The following NMNAT2 variants were observed in gnomAD, a reference collection of about 807,000 sequenced individuals.
The protein encoded by NMNAT2 is nicotinamide/nicotinic acid mononucleotide adenylyltransferase 2.
Under a neutral mutation model 41.6 loss-of-function variants are expected in NMNAT2, and 11 were observed. The observed-to-expected ratio is 0.26, with a 90% CI of 0.17 to 0.44. The LOEUF (loss-of-function observed/expected upper bound fraction) is 0.44, where lower values mean the gene tolerates loss of function less well. Among genes scored for constraint, NMNAT2 ranks in the 20% least tolerant of loss-of-function variants. The probability of loss-of-function intolerance (pLI) is 1.00; values close to 1 mark genes in which losing one functional copy is unlikely to be tolerated. For synonymous variants in NMNAT2, 148 were observed against 151.2 expected, an observed-to-expected ratio of 0.98 and a Z score of 0.16; for missense variants, 288 against 407.7, an observed-to-expected ratio of 0.71 and a Z score of 2.53.
intron 1 of NMNAT2, among the ~76,000 whole-genome samples, chr1:183,334,081 T>C (rs1187376608): frequency 2.0e-5 from 3 of 152,256 alleles, no homozygotes; most frequent in Non-Finnish European, 4.4e-5. Context: ...CTCATTTTTT[T>C]TGAGACGGTG....
chr1:183,360,510 A>AGAG (rs1663285418), intron 1 of NMNAT2, among the ~76,000 whole-genome samples: 1 of 152,170 alleles, frequency 6.6e-6, no homozygotes, highest in African/African-American at 2.4e-5. Flanking sequence ...CGAGTCTCCG[A>AGAG]GAGGAAGACC....
At position 183,305,105 on chromosome 1, in the gene NMNAT2, C is replaced by CTTT. The variant is rs5779162; in HGVS notation, c.86-11315_86-11313dup. Among the ~76,000 whole-genome samples, 45 of 140,292 alleles carry CTTT rather than the reference C, an allele frequency of 3.2e-4. 1 individual carries two copies. In the East Asian group the frequency reaches 8.4e-3, roughly 26 times the overall value. The allele number at this position is 140,292 out of a possible 152,430, so 92.0% of individuals were successfully genotyped here. A position where few individuals can be genotyped will look rare whatever the true frequency, so the allele number is the denominator to read the frequency against. On this transcript the variant is annotated intron_variant, in intron 1 of 10. Transcript: ENST00000287713. ...GGAATTCGCCCATTGTTGAAAAAGC[C>CTTT]TTTTTTTTTTTTTTGGTATTTATTT...
At chr1:183,352,577 AAAAAAAAAAG>A (rs934656207) in intron 1 of NMNAT2, among the ~76,000 whole-genome samples, 1 of 151,892 alleles carries the variant, frequency 6.6e-6, no homozygotes, top group African/African-American at 2.4e-5. Context: ...AAAAAAAAAA[AAAAAAAAAAG>A]AGATTTGTGA....
intron 8 of NMNAT2, among the ~76,000 whole-genome samples, chr1:183,272,876 C>A (rs1661021476): frequency 6.6e-6 from 1 of 152,318 alleles, no homozygotes; most frequent in South Asian, 2.1e-4. Flanking sequence ...GAGTGCGGGG[C>A]CGGGGCCTAG....
At chr1:183,348,911 C>G (rs1181186092) in intron 1 of NMNAT2, among the ~76,000 whole-genome samples, 2 of 152,174 alleles carry the variant, frequency 1.3e-5, no homozygotes, top group African/African-American at 2.4e-5. Flanking sequence ...AGTGTCTCCT[C>G]ACATTGCTTA....
chr1:183,362,389 A>T lies in NMNAT2; in HGVS notation c.85+55794T>A, dbSNP rs138205272. Among the ~76,000 whole-genome samples, 38 of 152,308 alleles carry T rather than the reference A, an allele frequency of 2.5e-4. No homozygotes were observed. The East Asian group carries it at 6.7e-3, about 27-fold the overall frequency. ...AACATTTTCATCACCCAAAAAAAGA[A>T]ACCCAATATCCCTTAGTAGTGATTT... On this transcript the variant is annotated intron_variant, in intron 1 of 10. Coordinates refer to ENST00000287713, the MANE Select transcript of NMNAT2 (RefSeq NM_015039.4).
At chr1:183,358,789 C>G (rs1217294693) in intron 1 of NMNAT2, among the ~76,000 whole-genome samples, 1 of 152,172 alleles carries the variant, frequency 6.6e-6, no homozygotes, top group Non-Finnish European at 1.5e-5. Context: ...TCTTTTTCTG[C>G]CTTCCCACCT....
At chr1:183,331,910 C>T (rs185171304) in intron 1 of NMNAT2, among the ~76,000 whole-genome samples, 52 of 152,366 alleles carry the variant, frequency 3.4e-4, no homozygotes, top group Non-Finnish European at 6.0e-4. Context: ...GCCTCAGCCT[C>T]ATAGCTGGGA....
intron 1 of NMNAT2, among the ~76,000 whole-genome samples, chr1:183,389,733 CAAAA>C (rs1298235330): frequency 8.9e-6 from 1 of 112,702 alleles, no homozygotes; most frequent in African/African-American, 3.6e-5. Context: ...AAGACCCTGT[CAAAA>C]AAGAAAGAAA....
intron 1 of NMNAT2, among the ~76,000 whole-genome samples, chr1:183,312,722 T>G (rs1227685007): frequency 6.6e-6 from 1 of 152,166 alleles, no homozygotes; most frequent in South Asian, 2.1e-4. Flanking sequence ...AAATCCTGAC[T>G]CTACTTCTTT....
In NMNAT2 at chr1:183,418,345, G is replaced by A; in HGVS notation, c.-78C>T. Reference sequence around the variant, plus strand: ...TCGTTGTGTCTGCAGAGGGAGAAAGGAAGGCGAGGCTCCGGCGGTGGATGC... The same window carrying A: ...TCGTTGTGTCTGCAGAGGGAGAAAGAAAGGCGAGGCTCCGGCGGTGGATGC... On this transcript the variant is annotated 5_prime_UTR_variant, in exon 1 of 11. Coordinates refer to ENST00000287713, the MANE Select transcript of NMNAT2 (RefSeq NM_015039.4). 1 of 1,409,770 alleles carries A rather than the reference G, an allele frequency of 7.1e-7. No homozygotes were observed. The highest frequency in any genetic ancestry group is 1.0e-6 in the Non-Finnish European group (1 of 996,388). The allele number at this position is 1,409,770 out of a possible 1,614,324, so 87.3% of individuals were successfully genotyped here.
chr1:183,373,231 G>T (rs1272791560), intron 1 of NMNAT2, among the ~76,000 whole-genome samples: 1 of 152,232 alleles, frequency 6.6e-6, no homozygotes, highest in African/African-American at 2.4e-5. Flanking sequence ...AACATGAAAA[G>T]GTAGGGCAAC....
chr1:183,249,436 A>ATGAT lies in NMNAT2; in HGVS notation c.*3201_*3204dup, dbSNP rs1313821920. ...AACAAAGCTCCAGACCCCTCTGGAC[A>ATGAT]TGATTGTTCCAGTCCATGCCTTTCT... On this transcript the variant is annotated 3_prime_UTR_variant, in exon 11 of 11. Transcript: ENST00000287713. 10 of 152,336 alleles carry ATGAT rather than the reference A, an allele frequency of 6.6e-5. No individual in the cohort carries two copies. The highest frequency in any genetic ancestry group is 2.2e-4 in the African/African-American group (9 of 41,584). The allele number at this position is 152,336 out of a possible 1,614,324, so 9.4% of individuals were successfully genotyped here.
At chr1:183,373,582 G>A (rs1033987050) in intron 1 of NMNAT2, among the ~76,000 whole-genome samples, 1 of 151,638 alleles carries the variant, frequency 6.6e-6, no homozygotes, top group Non-Finnish European at 1.5e-5. Context: ...TTATTCTAAA[G>A]CTTCTGCCAC....
chr1:183,295,120 C>A (rs1661654155), intron 1 of NMNAT2, among the ~76,000 whole-genome samples: 1 of 152,194 alleles, frequency 6.6e-6, no homozygotes, highest in South Asian at 2.1e-4. Context: ...TCTCATGCCT[C>A]AGCCTCCCAA....
intron 10 of NMNAT2, among the ~76,000 whole-genome samples, chr1:183,255,273 A>T (rs992297103): frequency 2.0e-5 from 3 of 152,128 alleles, no homozygotes; most frequent in Non-Finnish European, 4.4e-5. Flanking sequence ...CCACTGCTCT[A>T]TGTGTCTGCT....
At chr1:183,409,506 G>A (rs1165482527) in intron 1 of NMNAT2, among the ~76,000 whole-genome samples, 1 of 151,948 alleles carries the variant, frequency 6.6e-6, no homozygotes, top group Non-Finnish European at 1.5e-5. Context: ...CTGTAGAGAT[G>A]GGATCTCCCT....
intron 1 of NMNAT2, among the ~76,000 whole-genome samples, chr1:183,320,569 T>C (rs1397236664): frequency 6.6e-6 from 1 of 152,272 alleles, no homozygotes; most frequent in South Asian, 2.1e-4. Flanking sequence ...TCAACTGCAC[T>C]CCAGCCTGGG....
intron 7 of NMNAT2, among the ~76,000 whole-genome samples, chr1:183,281,783 C>T (rs761206721): frequency 3.9e-5 from 6 of 152,192 alleles, no homozygotes; most frequent in Middle Eastern, 3.2e-3. Flanking sequence ...GGTCAACAGA[C>T]GCTAATGGAG....
Sources: allele counts gnomAD v4.1 joint callset (sites outside exome capture counted in the v4.1 genomes callset), GRCh38; gene constraint gnomAD v4.1.1; transcripts MANE v1.5; gene names NCBI Gene and HGNC (gene_info 2026-07-23, HGNC 2026-07-21).